Variants in CTDP1 observed in about 807,000 individuals in gnomAD.
The protein encoded by CTDP1 is RNA polymerase II subunit A C-terminal domain phosphatase.
CTDP1 carries 47 observed loss-of-function variants against 91.8 expected under a neutral mutation model. The ratio of observed to expected loss-of-function variants is 0.51; its 90% confidence interval spans 0.41 to 0.65. CTDP1 has a LOEUF of 0.65. Ranked by LOEUF, CTDP1 falls within the 30% of genes least tolerant of loss-of-function variation. CTDP1 has a pLI of 0.00. For synonymous variants in CTDP1, 656 were observed against 598.5 expected (o/e 1.10, Z -1.40); for missense variants, 1,272 against 1,373.7 (o/e 0.93, Z 1.17).
chr18:79,696,253 G>C (rs745873372), intron 3 of CTDP1, among the ~76,000 whole-genome samples, 183 bp downstream of exon 3: 1 of 152,190 alleles, frequency 6.6e-6, no homozygotes, highest in Non-Finnish European at 1.5e-5. Context: ...GGTTGCCCTT[G>C]GTTCTCCACA....
Position 79,717,448 on chromosome 18 carries a change from G to A in CTDP1, c.2069-87G>A, listed in dbSNP as rs1383128854. 3.8e-6 allele frequency: 6 copies of A among 1,581,782 alleles called. No homozygotes were observed. The Admixed American group carries it at 6.7e-5, about 18-fold the overall frequency. The stretch of plus-strand genomic sequence containing the variant: ...CTGAGCCCTGGTGGGGTACAGCCAG[G>A]TGAGGGCCCTGGTGGGTGCAGCCGG... On this transcript the variant is annotated intron_variant, in intron 8 of 12. Coordinates refer to ENST00000613122, the MANE Select transcript of CTDP1 (RefSeq NM_004715.5).
chr18:79,681,440 C>T (rs547216613), intron 1 of CTDP1: 6 of 985,166 alleles, frequency 6.1e-6, no homozygotes, highest in African/African-American at 1.7e-5. Flanking sequence ...GGACAGAAAA[C>T]CCCAGGATGG....
At chr18:79,682,130 C>T (rs376395774) in intron 1 of CTDP1, among the ~76,000 whole-genome samples, 1 of 152,124 alleles carries the variant, frequency 6.6e-6, no homozygotes, top group African/African-American at 2.4e-5. Flanking sequence ...CAGCTGAATT[C>T]GGGAGGTGCA....
Position 79,715,087 on chromosome 18 carries a change from G to A in CTDP1, c.1627G>A (p.Gly543Ser), listed in dbSNP as rs1568195491. ...GGAGGGCGAGCGGGATGGCCTCTGC[G>A]GCCTGGGCAACGGCTGTGCCGACAG... ...QEEGERDGLCGLGNGCADRKE... is the reference protein window; with the variant it reads ...QEEGERDGLCSLGNGCADRKE... Residue 543 changes from glycine (G) to serine (S), a missense_variant, in exon 8 of 13, where the codon GGC becomes AGC. Gly to Ser is a moderately conservative substitution (Grantham distance 56). Transcript: ENST00000613122. 9 of 1,613,164 alleles carry A rather than the reference G, an allele frequency of 5.6e-6. No homozygotes were observed. The highest frequency in any genetic ancestry group is 4.0e-5 in the African/African-American group (3 of 75,064).
chr18:79,744,807 G>A (rs1264350310), intron 12 of CTDP1, among the ~76,000 whole-genome samples: 7 of 152,132 alleles, frequency 4.6e-5, no homozygotes, highest in Admixed American at 2.0e-4. Context: ...CATGGGGGGC[G>A]TCGTGGGAGG....
chr18:79,685,753 A>C (rs2085481108), intron 1 of CTDP1, among the ~76,000 whole-genome samples: 1 of 152,242 alleles, frequency 6.6e-6, no homozygotes, highest in Non-Finnish European at 1.5e-5. Context: ...AATGTGCTTC[A>C]GTCAGTGCAC....
In CTDP1 at chr18:79,689,352, C is replaced by G. The variant is rs553391833; in HGVS notation, c.315-5873C>G. 4.6e-5 allele frequency among the ~76,000 whole-genome samples: 7 copies of G among 152,306 alleles called. 2 individuals are homozygous for G. Among genetic ancestry groups the G allele is most frequent in the Admixed American group, 4.6e-4 (7 of 15,302 alleles). On this transcript the variant is annotated intron_variant, in intron 1 of 12. Coordinates refer to ENST00000613122, the MANE Select transcript of CTDP1 (RefSeq NM_004715.5). ...GAGATACTTTGTTACCACATAAATA[C>G]ATTTGCACCAAGCTGACCCACATTT...
At chr18:79,686,110 C>G (rs916257067) in intron 1 of CTDP1, among the ~76,000 whole-genome samples, 1 of 152,110 alleles carries the variant, frequency 6.6e-6, no homozygotes, top group Admixed American at 6.5e-5. Flanking sequence ...CTGTGATTTA[C>G]CTTTGTCATG....
chr18:79,697,078 T>G (rs571524646), intron 3 of CTDP1, among the ~76,000 whole-genome samples: 1 of 152,352 alleles, frequency 6.6e-6, no homozygotes, highest in Non-Finnish European at 1.5e-5. Flanking sequence ...TACCAAACTT[T>G]AAACAAATGT....
At chr18:79,732,361 T>C (rs1046716909) in intron 11 of CTDP1, among the ~76,000 whole-genome samples, 21 of 138,722 alleles carry the variant, frequency 1.5e-4, no homozygotes, top group African/African-American at 5.4e-4. Flanking sequence ...ACGTGAGACA[T>C]GAGAACTCAC....
chr18:79,689,752 A>AAC (rs1386922657), intron 1 of CTDP1, among the ~76,000 whole-genome samples: 10 of 152,222 alleles, frequency 6.6e-5, no homozygotes, highest in African/African-American at 2.4e-4. Flanking sequence ...CTGCACTGCA[A>AAC]ACTAGGTGAC....
intron 12 of CTDP1, chr18:79,750,082 T>G (rs1233455686): frequency 6.6e-6 from 1 of 150,858 alleles, no homozygotes; most frequent in Non-Finnish European, 1.5e-5. Flanking sequence ...AGATGAGGCA[T>G]GGAGGGGAAG....
intron 12 of CTDP1, among the ~76,000 whole-genome samples, chr18:79,744,794 A>G (rs770568751): frequency 6.6e-6 from 1 of 152,160 alleles, no homozygotes; most frequent in African/African-American, 2.4e-5. Flanking sequence ...CCCGCCACTC[A>G]GTCATGGGGG....
rs779370706 is a variant in CTDP1 at position 79,728,997 on chromosome 18, A to T, written c.2508A>T (p.Arg836=). 1.9e-6 allele frequency: 3 copies of T among 1,614,050 alleles called. No homozygotes were observed. In the Admixed American group the frequency reaches 5.0e-5, roughly 27 times the overall value. The change falls in exon 11 of 13, where the codon CGA becomes CGT. Residue 836 remains arginine (R), a synonymous_variant. Transcript: ENST00000613122. ...AGCCTGGCCCTTCTAGAAGAAAGCG[A>T]CAGCCCAGTATGTCTGAGACAATGC... ...GEQPGPSRRK[R]QPSMSETMPL...
At chr18:79,752,189 C>G (rs2087016356) in intron 12 of CTDP1, among the ~76,000 whole-genome samples, 1 of 152,206 alleles carries the variant, frequency 6.6e-6, no homozygotes, top group African/African-American at 2.4e-5. Flanking sequence ...TAAGGAAAAC[C>G]TAGTGGCACT....
chr18:79,723,127 C>T (rs1166013569), intron 10 of CTDP1, among the ~76,000 whole-genome samples: 3 of 152,244 alleles, frequency 2.0e-5, no homozygotes, highest in Non-Finnish European at 4.4e-5. Flanking sequence ...GCCACCCTCA[C>T]ACGCTTGCAA....
upstream of CTDP1, chr18:79,677,734 AG>A (rs1312128303): frequency 1.3e-5 from 2 of 152,244 alleles, no homozygotes; most frequent in Admixed American, 6.5e-5. Context: ...AGTGTGAACC[AG>A]GGGTTCATGG....
chr18:79,704,680 A>G, intron 4 of CTDP1, 87 bp from the exon 5 acceptor site: 1 of 1,549,522 alleles, frequency 6.5e-7, no homozygotes, highest in Non-Finnish European at 8.8e-7. Context: ...GTGTGTTCTC[A>G]GGATGCCTGT....
intron 12 of CTDP1, among the ~76,000 whole-genome samples, chr18:79,745,208 G>A (rs2086855122): frequency 6.6e-6 from 1 of 152,158 alleles, no homozygotes; most frequent in Admixed American, 6.5e-5. Flanking sequence ...TGAGTGGTCA[G>A]CACACATACG....
Sources: gnomAD v4.1 joint callset for allele counts (sites outside exome capture counted in the v4.1 genomes callset) on GRCh38, gnomAD v4.1.1 for gene constraint, MANE v1.5 for transcripts, NCBI Gene and HGNC (gene_info 2026-07-23, HGNC 2026-07-21) for gene names.